VPS13B: variants seen among roughly 807,000 people sequenced by gnomAD.
VPS13B encodes intermembrane lipid transfer protein VPS13B.
In VPS13B, 285 loss-of-function variants were observed where a neutral mutation model predicts 426.4. That is an observed-to-expected ratio of 0.67 (90% confidence interval 0.61 to 0.74). VPS13B has a LOEUF of 0.74. Ranked by LOEUF, VPS13B falls within the 30% of genes least tolerant of loss-of-function variation. The pLI is 0.00. For missense variants in VPS13B, 4,537 were observed against 4,782.6 expected, an observed-to-expected ratio of 0.95 and a Z score of 1.51; for synonymous variants, 1,676 against 1,676.4, an observed-to-expected ratio of 1.00 and a Z score of 0.01.
chr8:99,658,449 CCT>C (rs1830099921), intron 34 of VPS13B, among the ~76,000 whole-genome samples: 1 of 151,988 alleles, frequency 6.6e-6, no homozygotes, highest in Non-Finnish European at 1.5e-5. Context: ...CTTTTTTTCC[CCT>C]GTTAACAATA....
intron 2 of VPS13B, among the ~76,000 whole-genome samples, chr8:99,032,355 T>C (rs1248413110): frequency 6.6e-6 from 1 of 152,200 alleles, no homozygotes; most frequent in African/African-American, 2.4e-5. Flanking sequence ...CTAATTTTTA[T>C]TCATATGATT....
chr8:99,394,605 A>G, intron 21 of VPS13B, among the ~76,000 whole-genome samples: 1 of 152,118 alleles, frequency 6.6e-6, no homozygotes, highest in East Asian at 1.9e-4. Context: ...AAACAATGAA[A>G]CCCCTAAGAG....
chr8:99,401,996 T>G (rs1227272585), intron 21 of VPS13B, among the ~76,000 whole-genome samples: 117 of 152,190 alleles, frequency 7.7e-4, no homozygotes, highest in Non-Finnish European at 8.8e-5. Context: ...TGGGTGTTCT[T>G]GTAGCTTTGT....
chr8:99,589,202 G>A (rs1826468984), intron 33 of VPS13B, among the ~76,000 whole-genome samples: 2 of 151,614 alleles, frequency 1.3e-5, no homozygotes, highest in African/African-American at 4.9e-5. Context: ...TGATTTTCCA[G>A]TATTTTTTTA....
intron 17 of VPS13B, among the ~76,000 whole-genome samples, chr8:99,251,799 C>A (rs1185835053): frequency 1.3e-5 from 2 of 151,852 alleles, no homozygotes; most frequent in Non-Finnish European, 2.9e-5. Flanking sequence ...TGGAGATTTA[C>A]TTTTTGGGTT....
At chr8:99,865,071 G>T (rs548476001) in intron 58 of VPS13B, among the ~76,000 whole-genome samples, 1 of 152,152 alleles carries the variant, frequency 6.6e-6, no homozygotes, top group African/African-American at 2.4e-5. Context: ...CCCCAGGTCA[G>T]CAGGGAAAAG....
intron 2 of VPS13B, among the ~76,000 whole-genome samples, chr8:99,027,486 T>C (rs1464014102): frequency 1.3e-5 from 2 of 152,128 alleles, no homozygotes; most frequent in Admixed American, 6.5e-5. Flanking sequence ...GTAGTTATAG[T>C]CTGTTCGCTT....
At chr8:99,747,012 C>T (rs930368227) in intron 39 of VPS13B, among the ~76,000 whole-genome samples, 17 of 152,082 alleles carry the variant, frequency 1.1e-4, no homozygotes, top group African/African-American at 3.9e-4. Flanking sequence ...TATCACAAAG[C>T]ATTTTCTATA....
rs1373721195 is a variant in VPS13B at position 99,507,920 on chromosome 8, T to A, written c.4224+717T>A. 1 of 1,613,844 alleles carries A rather than the reference T, an allele frequency of 6.2e-7. No individual in the cohort carries two copies. The highest frequency in any genetic ancestry group is 1.3e-5 in the African/African-American group (1 of 74,898). ...CTGGCTTCTTTCCTTCTGTAAGAAA[T>A]TACTTTAAATTATGCTACACAACTC... is the stretch of plus-strand genomic sequence containing the variant. On this transcript the variant is annotated intron_variant, in intron 28 of 61. Transcript: ENST00000357162.
chr8:99,146,248 T>A (rs933341940), intron 13 of VPS13B, among the ~76,000 whole-genome samples: 35 of 152,084 alleles, frequency 2.3e-4, no homozygotes, highest in Non-Finnish European at 4.9e-4. Context: ...TAGATAGGGG[T>A]TTATTTATGT....
intron 25 of VPS13B, among the ~76,000 whole-genome samples, chr8:99,497,245 G>T (rs1820967938): frequency 7.4e-6 from 1 of 136,030 alleles, no homozygotes; most frequent in African/African-American, 2.7e-5. Flanking sequence ...ATACATATAT[G>T]TATGTATTTA....
At chr8:99,689,855 G>A (rs527987080) in intron 35 of VPS13B, among the ~76,000 whole-genome samples, 32 of 152,272 alleles carry the variant, frequency 2.1e-4, no homozygotes, top group Non-Finnish European at 4.4e-4. Context: ...GGATATTTGG[G>A]CAACCTCCTG....
At chr8:99,527,152 C>T (rs76438770) in intron 30 of VPS13B, among the ~76,000 whole-genome samples, 3,353 of 150,864 alleles carry the variant, frequency 0.022, 137 homozygotes, top group African/African-American at 0.077. Flanking sequence ...ACTCTGTATC[C>T]GAGTTTGCTC....
intron 14 of VPS13B, among the ~76,000 whole-genome samples, chr8:99,150,972 G>A (rs1005587782): frequency 6.6e-6 from 1 of 152,204 alleles, no homozygotes; most frequent in Non-Finnish European, 1.5e-5. Context: ...GTCTTCCAAA[G>A]TGGCTGTATG....
At chr8:99,828,282 A>G (rs6991376) in intron 51 of VPS13B, among the ~76,000 whole-genome samples, 1,810 of 151,426 alleles carry the variant, frequency 0.012, 30 homozygotes, top group African/African-American at 0.042. Context: ...TATTTAGGAT[A>G]GTTAGCTCTA....
At chr8:99,277,900 C>G (rs1368282451) in intron 19 of VPS13B, among the ~76,000 whole-genome samples, 3 of 152,118 alleles carry the variant, frequency 2.0e-5, no homozygotes, top group African/African-American at 7.2e-5. Flanking sequence ...AAGCAAGTAA[C>G]TGATGATTAC....
At chr8:99,021,995 T>C (rs906941335) in intron 2 of VPS13B, among the ~76,000 whole-genome samples, 1 of 152,194 alleles carries the variant, frequency 6.6e-6, no homozygotes, top group Admixed American at 6.5e-5. Flanking sequence ...TGTCTGATGC[T>C]CGTAATTTGT....
At chr8:99,432,392 T>A (rs778707246) in intron 22 of VPS13B, among the ~76,000 whole-genome samples, 1 of 152,098 alleles carries the variant, frequency 6.6e-6, no homozygotes, top group Non-Finnish European at 1.5e-5. Flanking sequence ...CACCTTACTA[T>A]GAGAACAAGG....
intron 17 of VPS13B, among the ~76,000 whole-genome samples, chr8:99,255,469 T>C (rs1817697995): frequency 6.6e-6 from 1 of 152,182 alleles, no homozygotes; most frequent in Non-Finnish European, 1.5e-5. Context: ...GTTTGGATAT[T>C]GTTTTCCGAG....
Sources: gnomAD v4.1 joint callset for allele counts (sites outside exome capture counted in the v4.1 genomes callset) on GRCh38, gnomAD v4.1.1 for gene constraint, MANE v1.5 for transcripts, NCBI Gene and HGNC (gene_info 2026-07-23, HGNC 2026-07-21) for gene names.